Variants in MTHFD1L observed in about 807,000 individuals in gnomAD.
The protein encoded by MTHFD1L is methylenetetrahydrofolate dehydrogenase (NADP+ dependent) 1 like, also known as monofunctional C1-tetrahydrofolate synthase, mitochondrial.
In MTHFD1L, 81 loss-of-function variants were observed where a neutral mutation model predicts 119.5. The ratio of observed to expected loss-of-function variants is 0.68; its 90% confidence interval spans 0.57 to 0.82. The LOEUF is 0.82. Ranked by LOEUF, MTHFD1L falls within the 40% of genes least tolerant of loss-of-function variation. The pLI, the probability that MTHFD1L is intolerant of heterozygous loss-of-function variation, is 0.00. For missense variants in MTHFD1L, 1,125 were observed against 1,253.4 expected (o/e 0.90, Z 1.55); for synonymous variants, 430 against 475.2 (o/e 0.90, Z 1.24).
At chr6:150,885,562 T>A (rs1272055184) in intron 5 of MTHFD1L, 72 bp from the exon 6 acceptor site, 1 of 1,064,854 alleles carries the variant, frequency 9.4e-7, no homozygotes, top group African/African-American at 1.6e-5. Flanking sequence ...GGGGTTAATA[T>A]ATGTACATTA....
intron 1 of MTHFD1L, chr6:150,866,592 G>C (rs577238055): frequency 8.2e-7 from 1 of 1,222,772 alleles, no homozygotes; most frequent in Non-Finnish European, 1.0e-6. Context: ...CTCCTGCTGG[G>C]CTGGGGTCTG....
chr6:151,035,002 C>G (rs1785949858), intron 25 of MTHFD1L, among the ~76,000 whole-genome samples: 1 of 152,186 alleles, frequency 6.6e-6, no homozygotes, highest in Non-Finnish European at 1.5e-5. Flanking sequence ...CTTAAAAATG[C>G]TAGCGTGGTG....
chr6:151,032,570 A>G (rs1046335186), intron 24 of MTHFD1L, among the ~76,000 whole-genome samples: 1 of 152,218 alleles, frequency 6.6e-6, no homozygotes, highest in Non-Finnish European at 1.5e-5. Flanking sequence ...TCCAAACCAC[A>G]TCAACCCTTT....
chr6:150,955,454 G>T (rs1274642904), intron 16 of MTHFD1L, among the ~76,000 whole-genome samples: 2 of 149,170 alleles, frequency 1.3e-5, no homozygotes, highest in South Asian at 2.1e-4. Context: ...GTCTCCTTTT[G>T]GTTCTTTCGG....
chr6:150,986,820 TCA>T (rs941592927), intron 20 of MTHFD1L, among the ~76,000 whole-genome samples: 1 of 152,172 alleles, frequency 6.6e-6, no homozygotes, highest in African/African-American at 2.4e-5. Context: ...TTCTCCTGTT[TCA>T]GCCTCCCAAG....
chr6:150,905,842 T>C (rs972566930), intron 8 of MTHFD1L, 81 bp downstream of exon 8: 1 of 1,140,216 alleles, frequency 8.8e-7, no homozygotes, highest in African/African-American at 1.5e-5. Context: ...TAAGAGGTTA[T>C]GTTTCTGAAA....
chr6:151,070,585 C>G (rs1791847409), intron 26 of MTHFD1L, among the ~76,000 whole-genome samples: 1 of 152,166 alleles, frequency 6.6e-6, no homozygotes, highest in South Asian at 2.1e-4. Context: ...GTAGATATAT[C>G]AGGACTTGCA....
chr6:150,992,030 G>T (rs1779125577), intron 20 of MTHFD1L, among the ~76,000 whole-genome samples: 2 of 152,130 alleles, frequency 1.3e-5, no homozygotes, highest in Non-Finnish European at 2.9e-5. Flanking sequence ...TAATCCATGA[G>T]GACTTCCTGA....
At position 150,940,706 on chromosome 6, in the gene MTHFD1L, G is replaced by A. The variant is rs920901001; in HGVS notation, c.1440+1961G>A. ...AGTGATTCTCCTGCCTCAGCCTCCCGAGAAGCTGGGATTACAGGCACCTGC... is the reference window on the plus strand; with the variant it reads ...AGTGATTCTCCTGCCTCAGCCTCCCAAGAAGCTGGGATTACAGGCACCTGC... On this transcript the variant is annotated intron_variant, in intron 13 of 27. Transcript: ENST00000367321. Among the ~76,000 whole-genome samples, 6 of 151,942 alleles carry A rather than the reference G, an allele frequency of 3.9e-5. No individual in the cohort carries two copies. The East Asian group carries it at 5.8e-4, about 15-fold the overall frequency.
chr6:150,916,470 T>TA (rs1787918133), intron 8 of MTHFD1L, among the ~76,000 whole-genome samples: 1 of 29,086 alleles, frequency 3.4e-5, no homozygotes, highest in Non-Finnish European at 5.6e-5. Context: ...CCAGCTAATT[T>TA]TTTTTTTTTT....
At chr6:150,941,229 G>A (rs1232435693) in intron 13 of MTHFD1L, among the ~76,000 whole-genome samples, 8 of 152,206 alleles carry the variant, frequency 5.3e-5, no homozygotes, top group African/African-American at 1.9e-4. Flanking sequence ...GGCAGGAAAG[G>A]GTGTGGCCTG....
intron 24 of MTHFD1L, among the ~76,000 whole-genome samples, chr6:151,020,066 C>A (rs916971296): frequency 6.6e-6 from 1 of 152,192 alleles, no homozygotes; most frequent in African/African-American, 2.4e-5. Flanking sequence ...CCCACCTTTG[C>A]TTCTCAAAGC....
At chr6:150,929,985 G>A (rs1391818486) in intron 11 of MTHFD1L, among the ~76,000 whole-genome samples, 1 of 152,194 alleles carries the variant, frequency 6.6e-6, no homozygotes, top group Non-Finnish European at 1.5e-5. Flanking sequence ...AGGGAAGAAT[G>A]AACAGCCCCT....
At chr6:151,080,648 A>T (rs1200906036) in intron 26 of MTHFD1L, among the ~76,000 whole-genome samples, 1 of 152,248 alleles carries the variant, frequency 6.6e-6, no homozygotes, top group Non-Finnish European at 1.5e-5. Flanking sequence ...GGCTGCCGTA[A>T]CAAAAGACCA....
intron 18 of MTHFD1L, among the ~76,000 whole-genome samples, chr6:150,962,961 G>C (rs1000855609): frequency 1.4e-5 from 2 of 140,252 alleles, no homozygotes; most frequent in African/African-American, 5.4e-5. Context: ...TATTGCCCAG[G>C]CTGGAATGCA....
At chr6:151,100,817 C>T (rs924869794) in intron 27 of MTHFD1L, among the ~76,000 whole-genome samples, 5 of 152,002 alleles carry the variant, frequency 3.3e-5, no homozygotes, top group Admixed American at 3.3e-4. Flanking sequence ...CTTTCTGTGC[C>T]TACTCTATAA....
At chr6:150,919,829 A>G (rs1788604064) in intron 9 of MTHFD1L, among the ~76,000 whole-genome samples, 1 of 152,228 alleles carries the variant, frequency 6.6e-6, no homozygotes, top group Non-Finnish European at 1.5e-5. Context: ...TTACATTTCA[A>G]GATGGGATTT....
intron 27 of MTHFD1L, chr6:151,099,805 C>T: frequency 4.4e-6 from 7 of 1,605,402 alleles, no homozygotes; most frequent in Non-Finnish European, 5.9e-6. Flanking sequence ...GTGCAACAAT[C>T]GTACTTGTGC....
chr6:150,995,370 C>G (rs1185142539), intron 20 of MTHFD1L, among the ~76,000 whole-genome samples: 1 of 151,882 alleles, frequency 6.6e-6, no homozygotes, highest in Non-Finnish European at 1.5e-5. Context: ...CAAAATTAGC[C>G]AGGCGTGGTG....
Sources: allele counts gnomAD v4.1 joint callset (sites outside exome capture counted in the v4.1 genomes callset), GRCh38; gene constraint gnomAD v4.1.1; transcripts MANE v1.5; gene names NCBI Gene and HGNC (gene_info 2026-07-23, HGNC 2026-07-21).